Variants in RGS20 observed in about 807,000 individuals in gnomAD.
RGS20 encodes the protein regulator of G protein signaling 20.
A neutral mutation model predicts 33.6 loss-of-function variants in RGS20; 30 were observed. That is an observed-to-expected ratio of 0.89 (90% confidence interval 0.67 to 1.21). RGS20 has a LOEUF of 1.21. Among genes scored for constraint, RGS20 ranks in the 50% most tolerant of loss-of-function variants. The pLI, the probability that RGS20 is intolerant of heterozygous loss-of-function variation, is 0.00. For missense variants in RGS20, 472 were observed against 502.4 expected, an observed-to-expected ratio of 0.94 and a Z score of 0.58; for synonymous variants, 208 against 197.9, an observed-to-expected ratio of 1.05 and a Z score of -0.43.
chr8:53,892,595 A>T (rs114602831), intron 2 of RGS20, among the ~76,000 whole-genome samples: 222 of 152,338 alleles, frequency 1.5e-3, no homozygotes, highest in African/African-American at 4.7e-3. Flanking sequence ...AACTAGGCTC[A>T]AACTTTGACT....
chr8:53,933,171 G>C (rs1041041497), intron 2 of RGS20, among the ~76,000 whole-genome samples: 8 of 152,128 alleles, frequency 5.3e-5, no homozygotes, highest in African/African-American at 1.9e-4. Context: ...GTGCAAAAAG[G>C]CTGAAAATTG....
intron 2 of RGS20, among the ~76,000 whole-genome samples, chr8:53,912,956 A>G (rs1226770769): frequency 6.6e-6 from 1 of 151,656 alleles, no homozygotes; most frequent in South Asian, 2.1e-4. Context: ...ATGTGTTTCA[A>G]TGCACTGCAA....
chr8:53,938,924 A>G (rs1814209774), intron 2 of RGS20, among the ~76,000 whole-genome samples: 1 of 152,224 alleles, frequency 6.6e-6, no homozygotes, highest in Non-Finnish European at 1.5e-5. Flanking sequence ...AGGTCCGGGC[A>G]GGCCACAGTC....
intron 2 of RGS20, among the ~76,000 whole-genome samples, chr8:53,920,120 C>T (rs575774776): frequency 6.6e-6 from 1 of 152,258 alleles, no homozygotes; most frequent in South Asian, 2.1e-4. Flanking sequence ...AGTGATCCAC[C>T]CACCTCAGCC....
intron 2 of RGS20, among the ~76,000 whole-genome samples, chr8:53,894,437 TCAGCTTAGCC>T (rs1450312975): frequency 6.6e-6 from 1 of 152,184 alleles, no homozygotes; most frequent in African/African-American, 2.4e-5. Context: ...AAACATTCTG[TCAGCTTAGCC>T]CAGAGAACTG....
chr8:53,907,878 C>T (rs1346121423), intron 2 of RGS20, among the ~76,000 whole-genome samples: 2 of 152,152 alleles, frequency 1.3e-5, no homozygotes, highest in South Asian at 2.1e-4. Context: ...GGGATTCCTG[C>T]CTTTGTGTCA....
rs60761434 is a variant in RGS20, at chr8:53,868,495, G to A, written c.166-10763G>A. Among the ~76,000 whole-genome samples, 672 of 152,142 alleles carry A rather than the reference G, an allele frequency of 4.4e-3. 5 individuals are homozygous for A. Among genetic ancestry groups the A allele is most frequent in the African/African-American group, 0.015 (636 of 41,496 alleles). ...GCAGTTTACTCATCGAATAGCTGGG[G>A]GCAGGAGGGAGTAGTTATTGATATA... On this transcript the variant is annotated intron_variant, in intron 1 of 5. Coordinates refer to ENST00000297313, the MANE Select transcript of RGS20 (RefSeq NM_170587.4).
intron 2 of RGS20, among the ~76,000 whole-genome samples, chr8:53,909,497 C>T (rs1813294178): frequency 6.6e-6 from 1 of 151,786 alleles, no homozygotes; most frequent in South Asian, 2.1e-4. Context: ...GTGATCCGCC[C>T]ATGGCCTTGG....
At chr8:53,874,373 T>G (rs909139288) in intron 1 of RGS20, among the ~76,000 whole-genome samples, 1 of 126,000 alleles carries the variant, frequency 7.9e-6, no homozygotes, top group African/African-American at 3.5e-5. Flanking sequence ...AAGGGGTGTG[T>G]GTGTGTGTGT....
chr8:53,939,476 A>C, intron 2 of RGS20, 100 bp from the exon 2 acceptor site: 2 of 1,274,614 alleles, frequency 1.6e-6, no homozygotes, highest in Non-Finnish European at 2.0e-6. Flanking sequence ...ATGTAGTCGC[A>C]CTGTATCTTT....
intron 2 of RGS20, among the ~76,000 whole-genome samples, chr8:53,935,940 C>T (rs1352987958): frequency 6.6e-6 from 1 of 152,186 alleles, no homozygotes; most frequent in Admixed American, 6.5e-5. Flanking sequence ...AAGGCTGGTT[C>T]AACATATGCA....
In RGS20 at chr8:53,867,711, G is replaced by C. The variant is rs5020999; in HGVS notation, c.166-11547G>C. Among the ~76,000 whole-genome samples the C allele has an allele frequency of 3.3e-3, 402 of 122,490 alleles. 3 individuals are homozygous for C. The highest frequency in any genetic ancestry group is 0.012 in the African/African-American group (385 of 32,026). The allele number at this position is 122,490 out of a possible 152,430, so 80.4% of individuals were successfully genotyped here. A position where few individuals can be genotyped will look rare whatever the true frequency, so the allele number is the denominator to read the frequency against. The stretch of plus-strand genomic sequence containing the variant: ...CCTTCCTTCCTTCCTTCCTTTCTTT[G>C]TTTCTTTCCTTCTTTCTTTCTTTCC... On this transcript the variant is annotated intron_variant, in intron 1 of 5. Transcript: ENST00000297313.
chr8:53,900,334 G>A (rs1812980064), intron 2 of RGS20, among the ~76,000 whole-genome samples: 1 of 151,946 alleles, frequency 6.6e-6, no homozygotes, highest in Admixed American at 6.6e-5. Context: ...TAGAGACGGG[G>A]TCTCACTATG....
chr8:53,930,070 T>A lies in RGS20; in HGVS notation c.511-9506T>A, dbSNP rs12545996. Among the ~76,000 whole-genome samples the A allele has an allele frequency of 6.6e-3, 1,001 of 152,256 alleles. 45 individuals are homozygous for A. Among genetic ancestry groups the A allele is most frequent in the Admixed American group, 0.058 (891 of 15,278 alleles). On this transcript the variant is annotated intron_variant, in intron 2 of 5. Transcript: ENST00000297313. ...TAGTACTATTGCTACTTCTCAATAT[T>A]TACTCAACTTCCTGGCCAATGAAAT...
intron 2 of RGS20, among the ~76,000 whole-genome samples, chr8:53,882,435 G>A (rs1812417400): frequency 6.6e-6 from 1 of 152,140 alleles, no homozygotes; most frequent in Non-Finnish European, 1.5e-5. Context: ...AGAGCTCGCG[G>A]ACAGGCGAGG....
At chr8:53,870,680 T>C (rs983056109) in intron 1 of RGS20, among the ~76,000 whole-genome samples, 1 of 152,126 alleles carries the variant, frequency 6.6e-6, no homozygotes, top group Non-Finnish European at 1.5e-5. Flanking sequence ...TCATTCTCCC[T>C]GGCTAAGCTT....
intron 2 of RGS20, among the ~76,000 whole-genome samples, chr8:53,932,342 AC>A (rs1813996681): frequency 6.6e-6 from 1 of 152,118 alleles, no homozygotes; most frequent in Non-Finnish European, 1.5e-5. Context: ...AGTGGATCCC[AC>A]CCCCACGGAA....
chr8:53,939,493 A>G (rs527996368), intron 2 of RGS20, 83 bp from the exon 2 acceptor site: 1 of 1,362,286 alleles, frequency 7.3e-7, no homozygotes, highest in Non-Finnish European at 9.6e-7. Context: ...CTTTTCAATG[A>G]TCCAAACAGC....
At chr8:53,867,658 TCTTC>T (rs3083109) in intron 1 of RGS20, among the ~76,000 whole-genome samples, 18,735 of 143,144 alleles carry the variant, frequency 0.13, 1,317 homozygotes, top group African/African-American at 0.18. Context: ...ACGGAAGTAG[TCTTC>T]CTTCCTTCCT....
Sources: allele counts gnomAD v4.1 joint callset (sites outside exome capture counted in the v4.1 genomes callset), GRCh38; gene constraint gnomAD v4.1.1; transcripts MANE v1.5; gene names NCBI Gene and HGNC (gene_info 2026-07-23, HGNC 2026-07-21).